The following CNTNAP2 variants were observed in gnomAD, a reference collection of about 807,000 sequenced individuals.
CNTNAP2 encodes contactin associated protein 2.
Under a neutral mutation model 155.2 loss-of-function variants are expected in CNTNAP2, and 98 were observed. The ratio of observed to expected loss-of-function variants is 0.63; its 90% CI spans 0.54 to 0.75. CNTNAP2 has a LOEUF of 0.75. Among genes scored for constraint, CNTNAP2 ranks in the 30% least tolerant of loss-of-function variants. CNTNAP2 has a pLI of 0.00. For synonymous variants in CNTNAP2, 651 were observed against 631.2 expected (o/e 1.03, Z -0.47); for missense variants, 1,727 against 1,688.1 (o/e 1.02, Z -0.40).
Position 146,772,685 on chromosome 7 carries a change from G to A in CNTNAP2, c.98-1586G>A, listed in dbSNP as rs560511043. Among the ~76,000 whole-genome samples, 110 of 151,624 alleles carry A rather than the reference G, an allele frequency of 7.3e-4. No individual in the cohort carries two copies. The Middle Eastern group carries it at 0.01, about 14-fold the overall frequency. ...CTCGGTCTCAAATAAAAATAAAAAAGAAAAAAGAGGAAAGGGGCCATGGTG... is the reference window on the plus strand; with the variant it reads ...CTCGGTCTCAAATAAAAATAAAAAAAAAAAAAGAGGAAAGGGGCCATGGTG... On this transcript the variant is annotated intron_variant, in intron 1 of 23. Coordinates refer to ENST00000361727, the MANE Select transcript of CNTNAP2 (RefSeq NM_014141.6).
chr7:147,062,163 A>C (rs899029021), intron 4 of CNTNAP2, among the ~76,000 whole-genome samples: 15 of 132,680 alleles, frequency 1.1e-4, no homozygotes, highest in African/African-American at 4.8e-4. Flanking sequence ...AAAAAAAAAA[A>C]AAAAAAACCA....
chr7:147,046,895 T>G (rs923709984), intron 4 of CNTNAP2, among the ~76,000 whole-genome samples: 8 of 150,742 alleles, frequency 5.3e-5, no homozygotes, highest in East Asian at 4.1e-4. Flanking sequence ...AACTGGGCAT[T>G]GTGGCGGGCG....
chr7:146,809,080 C>T (rs1034296967), intron 2 of CNTNAP2, among the ~76,000 whole-genome samples: 1 of 152,048 alleles, frequency 6.6e-6, no homozygotes, highest in African/African-American at 2.4e-5. Context: ...TAGATTTGTA[C>T]CCAGAAGTGT....
intron 18 of CNTNAP2, among the ~76,000 whole-genome samples, chr7:148,210,795 T>C (rs1795534663): frequency 6.6e-6 from 1 of 152,188 alleles, no homozygotes; most frequent in Non-Finnish European, 1.5e-5. Flanking sequence ...CCAATGTTGT[T>C]AGTCCAAAAA....
intron 13 of CNTNAP2, among the ~76,000 whole-genome samples, chr7:147,899,291 G>A (rs1799824284): frequency 6.6e-6 from 1 of 152,188 alleles, no homozygotes; most frequent in African/African-American, 2.4e-5. Flanking sequence ...AGTGAGTTAT[G>A]ATTGCTCCAC....
chr7:147,219,687 A>C (rs1174695790), intron 8 of CNTNAP2, among the ~76,000 whole-genome samples: 4 of 152,198 alleles, frequency 2.6e-5, no homozygotes, highest in Admixed American at 1.3e-4. Context: ...TGCATCCTTT[A>C]ATCCAATGAA....
chr7:146,493,059 C>A (rs779074163), intron 1 of CNTNAP2, among the ~76,000 whole-genome samples: 31 of 152,056 alleles, frequency 2.0e-4, no homozygotes, highest in South Asian at 4.1e-4. Flanking sequence ...TAAATAATAA[C>A]CCTTGGAAAT....
chr7:148,304,659 G>T (rs956371152), intron 21 of CNTNAP2, among the ~76,000 whole-genome samples: 1 of 152,136 alleles, frequency 6.6e-6, no homozygotes, highest in African/African-American at 2.4e-5. Flanking sequence ...TACAAACACA[G>T]GTGGCTGCAC....
intron 9 of CNTNAP2, among the ~76,000 whole-genome samples, chr7:147,372,748 T>C (rs866197409): frequency 1.3e-5 from 2 of 152,052 alleles, no homozygotes; most frequent in South Asian, 4.1e-4. Flanking sequence ...AAAAATGTCA[T>C]CAAGTGAGAG....
At chr7:146,861,490 T>C (rs6959004) in intron 3 of CNTNAP2, among the ~76,000 whole-genome samples, 42,623 of 152,044 alleles carry the variant, frequency 0.28, 5,942 homozygotes, top group African/African-American at 0.29. Context: ...AATAAAGTAT[T>C]ATACTAATGC....
intron 4 of CNTNAP2, among the ~76,000 whole-genome samples, chr7:147,087,976 C>CAAAAACAA (rs1226313840): frequency 3.3e-5 from 5 of 151,792 alleles, no homozygotes; most frequent in Non-Finnish European, 1.5e-5. Context: ...GACTCCACCT[C>CAAAAACAA]AAAAACAAAA....
chr7:146,632,035 G>A (rs892719191), intron 1 of CNTNAP2, among the ~76,000 whole-genome samples: 1 of 152,100 alleles, frequency 6.6e-6, no homozygotes, highest in African/African-American at 2.4e-5. Flanking sequence ...GACTTTATTA[G>A]CAAGAGCATA....
At chr7:147,955,482 A>C (rs542005591) in intron 14 of CNTNAP2, among the ~76,000 whole-genome samples, 26 of 152,312 alleles carry the variant, frequency 1.7e-4, no homozygotes, top group African/African-American at 6.3e-4. Flanking sequence ...GTGAAAAAGG[A>C]AATTGATGTC....
At chr7:148,332,298 G>T (rs957533839) in intron 21 of CNTNAP2, among the ~76,000 whole-genome samples, 1 of 152,020 alleles carries the variant, frequency 6.6e-6, no homozygotes, top group Non-Finnish European at 1.5e-5. Flanking sequence ...TGCTTTATTT[G>T]CTTATGACAT....
At chr7:147,742,860 G>T (rs1027481403) in intron 13 of CNTNAP2, among the ~76,000 whole-genome samples, 2 of 152,174 alleles carry the variant, frequency 1.3e-5, no homozygotes, top group Non-Finnish European at 2.9e-5. Flanking sequence ...TTTAATACAA[G>T]AATGAATTTC....
intron 1 of CNTNAP2, among the ~76,000 whole-genome samples, chr7:146,589,700 A>G (rs1798751908): frequency 6.6e-6 from 1 of 152,056 alleles, no homozygotes; most frequent in African/African-American, 2.4e-5. Context: ...ATACTTATGT[A>G]ACAAACCTGC....
At chr7:147,567,946 T>G (rs1489538255) in intron 12 of CNTNAP2, among the ~76,000 whole-genome samples, 1 of 151,848 alleles carries the variant, frequency 6.6e-6, no homozygotes, top group Non-Finnish European at 1.5e-5. Context: ...ATTAACTGGG[T>G]GTGGTGGCGC....
intron 8 of CNTNAP2, among the ~76,000 whole-genome samples, chr7:147,205,071 T>C (rs1802994667): frequency 6.6e-6 from 1 of 152,184 alleles, no homozygotes; most frequent in African/African-American, 2.4e-5. Context: ...ATTCAGGTAA[T>C]GTGATGCCTC....
intron 1 of CNTNAP2, among the ~76,000 whole-genome samples, chr7:146,411,504 G>A (rs1002470792): frequency 6.6e-6 from 1 of 152,002 alleles, no homozygotes; most frequent in Non-Finnish European, 1.5e-5. Flanking sequence ...ATGGTAAGAA[G>A]GTGAGGTAAT....
Sources: gnomAD v4.1 joint callset for allele counts (sites outside exome capture counted in the v4.1 genomes callset) on GRCh38, gnomAD v4.1.1 for gene constraint, MANE v1.5 for transcripts, NCBI Gene and HGNC (gene_info 2026-07-23, HGNC 2026-07-21) for gene names.